CACNA1E: variants seen among roughly 807,000 people sequenced by gnomAD.
The protein encoded by CACNA1E is voltage-dependent R-type calcium channel subunit alpha-1E.
In CACNA1E, 40 loss-of-function variants were observed where a neutral mutation model predicts 259.2. The observed-to-expected ratio is 0.15, with a 90% CI of 0.12 to 0.20. The LOEUF is 0.20. CACNA1E is among the 10% of genes least tolerant of loss of function. The pLI, the probability that CACNA1E is intolerant of heterozygous loss-of-function variation, is 1.00. For missense variants in CACNA1E, 1,874 were observed against 3,040.1 expected, an observed-to-expected ratio of 0.62 and a Z score of 9.02; for synonymous variants, 1,104 against 1,138.5, an observed-to-expected ratio of 0.97 and a Z score of 0.61.
chr1:181,391,027 C>T (rs958253021), intron 1 of CACNA1E, among the ~76,000 whole-genome samples: 8 of 152,170 alleles, frequency 5.3e-5, no homozygotes, highest in African/African-American at 1.9e-4. Context: ...ATCACCAATT[C>T]TCTCCTTTTC....
At chr1:181,605,001 CTT>C (rs1271351934) in intron 6 of CACNA1E, among the ~76,000 whole-genome samples, 2 of 152,060 alleles carry the variant, frequency 1.3e-5, no homozygotes, top group East Asian at 3.9e-4. Flanking sequence ...AGTTATTTGT[CTT>C]CTCTCAGAAA....
At position 181,807,808 on chromosome 1, in the gene CACNA1E, A is replaced by T. The variant is rs994025303; in HGVS notation, c.*8974A>T. The stretch of plus-strand genomic sequence containing the variant: ...GGTCCTTGCAGGCTGGATTTTAGAA[A>T]TTTCTAAGATTCTCTACAACTTTTA... On this transcript the variant is annotated 3_prime_UTR_variant, in exon 48 of 48. Coordinates refer to ENST00000367573, the MANE Select transcript of CACNA1E (RefSeq NM_001205293.3). The T allele has an allele frequency of 3.9e-5, 6 of 152,154 alleles. No individual in the cohort carries two copies. The East Asian group carries it at 1.2e-3, about 29-fold the overall frequency. 9.4% of individuals were successfully genotyped at this position (152,154 alleles called of 1,614,324 possible). A position where few individuals can be genotyped will look rare whatever the true frequency, so the allele number is the denominator to read the frequency against.
At chr1:181,786,484 A>G (rs1408527787) in intron 43 of CACNA1E, among the ~76,000 whole-genome samples, 2 of 152,216 alleles carry the variant, frequency 1.3e-5, no homozygotes, top group Non-Finnish European at 2.9e-5. Flanking sequence ...GTTTTCTTTA[A>G]TGAACAAAAG....
chr1:181,697,809 G>A (rs75570394), intron 7 of CACNA1E, among the ~76,000 whole-genome samples: 20,086 of 152,190 alleles, frequency 0.13, 1,371 homozygotes, highest in South Asian at 0.25. Context: ...TTGCAGATAG[G>A]CATTGGTCCA....
At chr1:181,600,335 G>C (rs1343219991) in intron 6 of CACNA1E, among the ~76,000 whole-genome samples, 1 of 152,212 alleles carries the variant, frequency 6.6e-6, no homozygotes, top group African/African-American at 2.4e-5. Flanking sequence ...ATTTTACTCC[G>C]AGTGTGATGG....
chr1:181,582,027 C>T (rs1572276383), intron 6 of CACNA1E, among the ~76,000 whole-genome samples: 1 of 152,244 alleles, frequency 6.6e-6, no homozygotes, highest in Middle Eastern at 3.4e-3. Flanking sequence ...AGAAGAAACT[C>T]GACGAGACTA....
chr1:181,573,620 T>C (rs1285366539), intron 3 of CACNA1E, among the ~76,000 whole-genome samples: 1 of 152,210 alleles, frequency 6.6e-6, no homozygotes, highest in Admixed American at 6.5e-5. Flanking sequence ...TGGTGATTAT[T>C]AAAAAGTCAA....
intron 2 of CACNA1E, among the ~76,000 whole-genome samples, chr1:181,449,810 A>C (rs1661030525): frequency 6.6e-6 from 1 of 152,266 alleles, no homozygotes. Context: ...AAAGACAAAA[A>C]ATGACCAACT....
At chr1:181,768,377 G>A (rs886472291) in intron 35 of CACNA1E, among the ~76,000 whole-genome samples, 4 of 152,168 alleles carry the variant, frequency 2.6e-5, no homozygotes, top group African/African-American at 7.2e-5. Context: ...TATGACTAAT[G>A]TTTCTGAGTA....
At chr1:181,375,020 A>G (rs188070914) in intron 1 of CACNA1E, among the ~76,000 whole-genome samples, 137 of 152,362 alleles carry the variant, frequency 9.0e-4, no homozygotes, top group African/African-American at 2.5e-3. Flanking sequence ...CAACATAGTT[A>G]AGATGAATCA....
intron 1 of CACNA1E, among the ~76,000 whole-genome samples, chr1:181,319,405 GA>G (rs1268811077): frequency 6.6e-6 from 1 of 152,138 alleles, no homozygotes; most frequent in Non-Finnish European, 1.5e-5. Flanking sequence ...TAGACACCAG[GA>G]AAAAACTTCC....
chr1:181,480,985 CTG>C (rs1663192647), upstream of CACNA1E, among the ~76,000 whole-genome samples: 1 of 152,154 alleles, frequency 6.6e-6, no homozygotes. Flanking sequence ...TTAATAATTT[CTG>C]AAAGCCCTTT....
chr1:181,789,992 G>T (rs190104100), intron 43 of CACNA1E, among the ~76,000 whole-genome samples: 80 of 152,320 alleles, frequency 5.3e-4, no homozygotes, highest in Admixed American at 1.6e-3. Context: ...TAATTGTTTA[G>T]TTTGGCCAGG....
At chr1:181,667,636 A>C (rs748067478) in intron 7 of CACNA1E, among the ~76,000 whole-genome samples, 1 of 152,170 alleles carries the variant, frequency 6.6e-6, no homozygotes, top group Non-Finnish European at 1.5e-5. Context: ...AAACAGCCAC[A>C]GATAGAGGTT....
intron 1 of CACNA1E, among the ~76,000 whole-genome samples, chr1:181,342,399 T>A (rs560267273): frequency 3.9e-5 from 6 of 152,150 alleles, no homozygotes; most frequent in Admixed American, 6.5e-5. Context: ...TCAAACTGCT[T>A]GTAGCAACAT....
At chr1:181,470,126 A>AG (rs1228825229) in intron 2 of CACNA1E, among the ~76,000 whole-genome samples, 1 of 152,134 alleles carries the variant, frequency 6.6e-6, no homozygotes, top group African/African-American at 2.4e-5. Flanking sequence ...AGAGAGCACG[A>AG]GAGCACACAA....
At chr1:181,492,035 AG>A (rs1664362889) in intron 1 of CACNA1E, among the ~76,000 whole-genome samples, 1 of 152,182 alleles carries the variant, frequency 6.6e-6, no homozygotes, top group African/African-American at 2.4e-5. Flanking sequence ...GGGAATTGGG[AG>A]GCTGTAAAAG....
chr1:181,750,418 A>ATT, intron 25 of CACNA1E, 58 bp from the exon 26 acceptor site: 2 of 1,552,684 alleles, frequency 1.3e-6, no homozygotes, highest in Non-Finnish European at 1.8e-6. Flanking sequence ...CCCCAACCCC[A>ATT]TTTTTTTGTT....
At chr1:181,351,184 G>T (rs923565431) in intron 1 of CACNA1E, among the ~76,000 whole-genome samples, 1 of 152,172 alleles carries the variant, frequency 6.6e-6, no homozygotes, top group African/African-American at 2.4e-5. Context: ...TGAGGAGGAC[G>T]GGTAGGTCTG....
Sources: allele counts gnomAD v4.1 joint callset (sites outside exome capture counted in the v4.1 genomes callset), GRCh38; gene constraint gnomAD v4.1.1; transcripts MANE v1.5; gene names NCBI Gene and HGNC (gene_info 2026-07-23, HGNC 2026-07-21).